CSMD3: variants seen among roughly 807,000 people sequenced by gnomAD.
CSMD3 encodes CUB and Sushi multiple domains 3, also known as CUB and sushi domain-containing protein 3.
Under a neutral mutation model 435.2 loss-of-function variants are expected in CSMD3, and 177 were observed. That is an observed-to-expected ratio of 0.41 (90% CI 0.36 to 0.46). CSMD3 has a LOEUF of 0.46. Among genes scored for constraint, CSMD3 ranks in the 20% least tolerant of loss-of-function variants. The pLI is 0.34. For synonymous variants in CSMD3, 1,656 were observed against 1,520.5 expected (o/e 1.09, Z -2.07); for missense variants, 4,265 against 4,504.6 (o/e 0.95, Z 1.52).
intron 10 of CSMD3, among the ~76,000 whole-genome samples, chr8:112,892,667 A>G (rs1416251019): frequency 6.6e-6 from 1 of 151,494 alleles, no homozygotes; most frequent in African/African-American, 2.4e-5. Flanking sequence ...GCTTCCTCAG[A>G]TATGTGCATA....
chr8:112,749,747 G>A (rs976186320), intron 13 of CSMD3, among the ~76,000 whole-genome samples: 5 of 152,122 alleles, frequency 3.3e-5, no homozygotes, highest in Middle Eastern at 3.4e-3. Flanking sequence ...GAAGTTTTAT[G>A]CTCCCTTGGT....
At chr8:112,795,732 A>G (rs527690344) in intron 13 of CSMD3, among the ~76,000 whole-genome samples, 2 of 152,066 alleles carry the variant, frequency 1.3e-5, no homozygotes, top group African/African-American at 2.4e-5. Flanking sequence ...CAGTAAACAC[A>G]TGTTTGTTTA....
At chr8:112,358,829 A>G (rs1003787833) in intron 38 of CSMD3, among the ~76,000 whole-genome samples, 1 of 152,160 alleles carries the variant, frequency 6.6e-6, no homozygotes, top group Admixed American at 6.6e-5. Flanking sequence ...CGAGGTGATG[A>G]GATTATTCAT....
In CSMD3 at chr8:112,390,806, CAA is replaced by C; in HGVS notation, c.5810-20_5810-19del. The C allele has an allele frequency of 6.2e-7, 1 of 1,611,582 alleles. No homozygotes were observed. The highest frequency in any genetic ancestry group is 1.1e-5 in the South Asian group (1 of 91,010). On this transcript the variant is annotated intron_variant, in intron 35 of 70. Transcript: ENST00000297405. ...ACAGGGCACTGAAAATAAAGCAGTC[CAA>C]GAGAGGGAGTTAATTCTAATGCAAA...
intron 6 of CSMD3, among the ~76,000 whole-genome samples, chr8:113,003,704 T>A (rs1587864261): frequency 6.6e-6 from 1 of 151,982 alleles, no homozygotes; most frequent in African/African-American, 2.4e-5. Context: ...AAGCATAACT[T>A]TGGATTAAGT....
chr8:112,268,126 G>C (rs903799811), intron 59 of CSMD3, among the ~76,000 whole-genome samples: 6 of 151,966 alleles, frequency 3.9e-5, no homozygotes, highest in African/African-American at 1.4e-4. Flanking sequence ...CTCCATAAAG[G>C]CAGATACTTT....
chr8:112,395,532 AAGT>A (rs1830786088), intron 35 of CSMD3, among the ~76,000 whole-genome samples: 1 of 152,162 alleles, frequency 6.6e-6, no homozygotes, highest in African/African-American at 2.4e-5. Flanking sequence ...TTTCAAGTAA[AAGT>A]AGTTCTTTCT....
chr8:113,304,688 C>T (rs1215855937), intron 2 of CSMD3, among the ~76,000 whole-genome samples: 21 of 133,466 alleles, frequency 1.6e-4, no homozygotes, highest in African/African-American at 5.7e-4. Flanking sequence ...ACCGCATATT[C>T]TCACTCATAG....
At chr8:112,838,352 A>G (rs1050770587) in intron 11 of CSMD3, among the ~76,000 whole-genome samples, 3 of 151,798 alleles carry the variant, frequency 2.0e-5, no homozygotes, top group Non-Finnish European at 4.4e-5. Flanking sequence ...CTATATGAAA[A>G]GCAGCATATT....
chr8:113,024,032 T>C (rs919166573), intron 5 of CSMD3, among the ~76,000 whole-genome samples: 3 of 152,162 alleles, frequency 2.0e-5, no homozygotes, highest in Non-Finnish European at 4.4e-5. Context: ...TCTGCCTTTC[T>C]AGCTATAAAT....
chr8:112,910,172 G>A (rs1215211743), intron 10 of CSMD3, among the ~76,000 whole-genome samples: 1 of 151,686 alleles, frequency 6.6e-6, no homozygotes, highest in Non-Finnish European at 1.5e-5. Flanking sequence ...ACCTAGGATG[G>A]GAGTTAGGCA....
intron 9 of CSMD3, among the ~76,000 whole-genome samples, chr8:112,926,240 A>G (rs965546856): frequency 1.5e-4 from 22 of 150,282 alleles, no homozygotes; most frequent in East Asian, 9.8e-4. Context: ...CTCATTAAAT[A>G]TGTGTGTGTG....
intron 5 of CSMD3, among the ~76,000 whole-genome samples, chr8:113,066,237 A>C (rs186433261): frequency 1.3e-5 from 2 of 152,138 alleles, no homozygotes; most frequent in East Asian, 3.9e-4. Context: ...AATAGGTCTA[A>C]ATTTGTACAG....
intron 32 of CSMD3, among the ~76,000 whole-genome samples, chr8:112,410,120 A>G (rs1181947324): frequency 1.3e-5 from 2 of 151,942 alleles, no homozygotes; most frequent in African/African-American, 4.8e-5. Context: ...CACTTGAAAC[A>G]TGGTTACTTT....
intron 27 of CSMD3, among the ~76,000 whole-genome samples, chr8:112,534,182 A>G (rs1279018143): frequency 6.6e-6 from 1 of 152,176 alleles, no homozygotes; most frequent in Non-Finnish European, 1.5e-5. Context: ...TCAGAGCACA[A>G]CTGAAGGAAA....
At chr8:112,951,136 T>C (rs2083794598) in intron 8 of CSMD3, among the ~76,000 whole-genome samples, 1 of 151,926 alleles carries the variant, frequency 6.6e-6, no homozygotes. Context: ...CTTTCATTTC[T>C]TTTGATATTT....
chr8:112,407,658 A>C (rs1248300084), intron 34 of CSMD3, among the ~76,000 whole-genome samples: 1 of 152,102 alleles, frequency 6.6e-6, no homozygotes, highest in Non-Finnish European at 1.5e-5. Context: ...AATAGGAATA[A>C]CAAATCACAA....
intron 61 of CSMD3, 122 bp from the exon 62 acceptor site, chr8:112,255,549 G>C (rs571678476): frequency 6.2e-5 from 53 of 851,646 alleles, no homozygotes; most frequent in African/African-American, 4.1e-4. Context: ...TCATGATAAA[G>C]CTATCCCAAT....
At chr8:112,975,412 A>T (rs1167215810) in intron 7 of CSMD3, among the ~76,000 whole-genome samples, 1 of 152,150 alleles carries the variant, frequency 6.6e-6, no homozygotes, top group Non-Finnish European at 1.5e-5. Context: ...ACATAAAAAT[A>T]TCATGCAAAC....
Sources: gnomAD v4.1 joint callset for allele counts (sites outside exome capture counted in the v4.1 genomes callset) on GRCh38, gnomAD v4.1.1 for gene constraint, MANE v1.5 for transcripts, NCBI Gene and HGNC (gene_info 2026-07-23, HGNC 2026-07-21) for gene names.